TBL1XR1: variants seen among roughly 807,000 people sequenced by gnomAD.
TBL1XR1 encodes TBL1X/Y related 1, also known as F-box-like/WD repeat-containing protein TBL1XR1.
A neutral mutation model predicts 66.9 loss-of-function variants in TBL1XR1; 5 were observed. The observed-to-expected ratio is 0.07, with a 90% CI of 0.04 to 0.16. TBL1XR1 has a LOEUF of 0.16. Among genes scored for constraint, TBL1XR1 ranks in the 10% least tolerant of loss-of-function variants. TBL1XR1 has a pLI of 1.00. For missense variants in TBL1XR1, 238 were observed against 623.2 expected, an observed-to-expected ratio of 0.38 and a Z score of 6.58; for synonymous variants, 210 against 206.0, an observed-to-expected ratio of 1.02 and a Z score of -0.17.
chr3:177,049,822 C>G (rs1480479768), intron 7 of TBL1XR1, among the ~76,000 whole-genome samples, 175 bp downstream of exon 7: 2 of 152,162 alleles, frequency 1.3e-5, no homozygotes, highest in East Asian at 3.9e-4. Flanking sequence ...CTGACTAAGG[C>G]AAGTCTGTGT....
chr3:177,042,903 A>G (rs930571047), intron 10 of TBL1XR1, among the ~76,000 whole-genome samples: 1 of 152,042 alleles, frequency 6.6e-6, no homozygotes, highest in Non-Finnish European at 1.5e-5. Flanking sequence ...TTTATTACTG[A>G]CTTTATTTTT....
At chr3:177,133,420 G>C (rs115379484) in intron 1 of TBL1XR1, among the ~76,000 whole-genome samples, 1 of 152,140 alleles carries the variant, frequency 6.6e-6, no homozygotes, top group East Asian at 1.9e-4. Flanking sequence ...ATTGCACATT[G>C]CATCAAAGTT....
intron 10 of TBL1XR1, chr3:177,044,990 C>T (rs1716126794): frequency 6.6e-6 from 1 of 152,094 alleles, no homozygotes; most frequent in Non-Finnish European, 1.5e-5. Context: ...AACAGGTGAA[C>T]AAAAATGTAT....
intron 1 of TBL1XR1, among the ~76,000 whole-genome samples, chr3:177,143,671 G>C (rs1440950199): frequency 6.6e-6 from 1 of 152,138 alleles, no homozygotes; most frequent in Non-Finnish European, 1.5e-5. Context: ...TGTGAAGTAG[G>C]TAAATGAGCA....
chr3:177,100,201 C>T (rs1047633546), intron 1 of TBL1XR1, among the ~76,000 whole-genome samples: 8 of 152,120 alleles, frequency 5.3e-5, no homozygotes, highest in Non-Finnish European at 1.0e-4. Flanking sequence ...ATGGCCATGC[C>T]ACTGCATTTC....
chr3:177,135,337 AC>A, intron 1 of TBL1XR1, among the ~76,000 whole-genome samples: 1 of 20,784 alleles, frequency 4.8e-5, no homozygotes, highest in South Asian at 1.2e-3. Flanking sequence ...GTGTGTGTAT[AC>A]ATATATATAT....
intron 1 of TBL1XR1, among the ~76,000 whole-genome samples, chr3:177,100,070 A>G (rs1240894401): frequency 2.0e-5 from 3 of 152,106 alleles, no homozygotes; most frequent in Admixed American, 6.5e-5. Context: ...AAATCCCATC[A>G]CTACCAAATA....
chr3:177,183,757 G>A (rs1434475207), intron 1 of TBL1XR1, among the ~76,000 whole-genome samples: 1 of 151,122 alleles, frequency 6.6e-6, no homozygotes, highest in Non-Finnish European at 1.5e-5. Context: ...GAGCCACTGC[G>A]CCCGACCAAA....
intron 4 of TBL1XR1, among the ~76,000 whole-genome samples, chr3:177,052,266 T>G (rs1717195935): frequency 6.6e-6 from 1 of 152,180 alleles, no homozygotes; most frequent in African/African-American, 2.4e-5. Flanking sequence ...TTATTGATAT[T>G]AGGAAGTTCC....
chr3:177,104,494 G>T (rs1201291), intron 1 of TBL1XR1, among the ~76,000 whole-genome samples: 50,560 of 151,936 alleles, frequency 0.33, 8,706 homozygotes, highest in East Asian at 0.53. Context: ...TAATATTCTA[G>T]ACAGCCAGAA....
At chr3:177,191,650 G>A (rs1055313464) in intron 1 of TBL1XR1, among the ~76,000 whole-genome samples, 1 of 152,146 alleles carries the variant, frequency 6.6e-6, no homozygotes, top group Non-Finnish European at 1.5e-5. Context: ...AACTTCTAAG[G>A]ACAACTATCT....
intron 1 of TBL1XR1, among the ~76,000 whole-genome samples, chr3:177,109,954 T>C (rs1197180060): frequency 2.0e-5 from 3 of 152,182 alleles, no homozygotes; most frequent in Non-Finnish European, 2.9e-5. Context: ...TGTTGTCCGC[T>C]TACTACTGGA....
intron 1 of TBL1XR1, among the ~76,000 whole-genome samples, chr3:177,186,881 G>A (rs1367686193): frequency 2.0e-5 from 3 of 152,074 alleles, no homozygotes; most frequent in African/African-American, 7.2e-5. Context: ...AAAGTCAGGA[G>A]TTCGGCCAGG....
At chr3:177,174,122 T>G (rs933079031) in intron 1 of TBL1XR1, among the ~76,000 whole-genome samples, 3 of 152,106 alleles carry the variant, frequency 2.0e-5, no homozygotes, top group Non-Finnish European at 2.9e-5. Context: ...TTAAGGTTAT[T>G]ATGATGACAG....
At chr3:177,175,606 A>G (rs1178314102) in intron 1 of TBL1XR1, among the ~76,000 whole-genome samples, 1 of 150,130 alleles carries the variant, frequency 6.7e-6, no homozygotes, top group East Asian at 1.9e-4. Context: ...TCATAGGGTT[A>G]AAGAACATTA....
chr3:177,187,687 G>A (rs1051316478), intron 1 of TBL1XR1, among the ~76,000 whole-genome samples: 13 of 151,986 alleles, frequency 8.6e-5, no homozygotes, highest in Non-Finnish European at 1.2e-4. Flanking sequence ...GTCACTGAAT[G>A]TCTCTTTACA....
chr3:177,127,790 G>A (rs1727820600), intron 1 of TBL1XR1, among the ~76,000 whole-genome samples: 3 of 152,208 alleles, frequency 2.0e-5, no homozygotes, highest in African/African-American at 7.2e-5. Flanking sequence ...TTGGATGGTA[G>A]TGTGGGAATG....
chr3:177,026,730 A>G, intron 14 of TBL1XR1: 1 of 362,938 alleles, frequency 2.8e-6, no homozygotes, highest in Non-Finnish European at 4.9e-6. Context: ...TGGCTAAGGT[A>G]TCTGGTCTCT....
intron 1 of TBL1XR1, among the ~76,000 whole-genome samples, chr3:177,157,117 G>A (rs1435403048): frequency 1.3e-5 from 2 of 152,194 alleles, no homozygotes; most frequent in African/African-American, 4.8e-5. Flanking sequence ...GCTGAGGTAA[G>A]AGGACTGCTT....
Sources: allele counts gnomAD v4.1 joint callset (sites outside exome capture counted in the v4.1 genomes callset), GRCh38; gene constraint gnomAD v4.1.1; transcripts MANE v1.5; gene names NCBI Gene and HGNC (gene_info 2026-07-23, HGNC 2026-07-21).